USH2A: variants seen among roughly 807,000 people sequenced by gnomAD.
USH2A encodes the protein usherin.
Under a neutral mutation model 538.9 loss-of-function variants are expected in USH2A, and 443 were observed. The ratio of observed to expected loss-of-function variants is 0.82; its 90% CI spans 0.76 to 0.89. The LOEUF is 0.89. USH2A is among the 40% of genes least tolerant of loss of function. The pLI, the probability that USH2A is intolerant of heterozygous loss-of-function variation, is 0.00. For missense variants in USH2A, 6,633 were observed against 6,324.8 expected (o/e 1.05, Z -1.65); for synonymous variants, 2,413 against 2,273.5 (o/e 1.06, Z -1.75).
chr1:216,028,499 T>G (rs1334287850), intron 32 of USH2A, among the ~76,000 whole-genome samples: 1 of 152,106 alleles, frequency 6.6e-6, no homozygotes, highest in Non-Finnish European at 1.5e-5. Flanking sequence ...CAGGAAATAT[T>G]TATCTATTCT....
rs200863969 is a variant in USH2A at position 215,817,203 on chromosome 1, A to G, written c.9372-8T>C. 8.1e-6 allele frequency: 13 copies of G among 1,611,148 alleles called. No individual in the cohort carries two copies. Among genetic ancestry groups the G allele is most frequent in the African/African-American group, 4.0e-5 (3 of 74,800 alleles). On this transcript the variant is annotated splice_polypyrimidine_tract_variant and splice_region_variant and intron_variant, in intron 47 of 71. Transcript: ENST00000307340. ...CAATCAATTTGAAGAGATCTGCAAC[A>G]GAGAGAATAATCAATACTTCTGAAA...
At chr1:215,924,966 C>T (rs1488055361) in intron 38 of USH2A, among the ~76,000 whole-genome samples, 1 of 152,000 alleles carries the variant, frequency 6.6e-6, no homozygotes, top group African/African-American at 2.4e-5. Flanking sequence ...TCCCTCTTCT[C>T]CATAGCTCAG....
chr1:215,646,439 T>C (rs1300951598), intron 67 of USH2A, among the ~76,000 whole-genome samples: 2 of 151,488 alleles, frequency 1.3e-5, no homozygotes, highest in East Asian at 3.9e-4. Context: ...GTTATAGTCA[T>C]ATATCTCATA....
At chr1:216,155,780 AGAAT>A (rs1348078264) in intron 21 of USH2A, among the ~76,000 whole-genome samples, 1 of 152,202 alleles carries the variant, frequency 6.6e-6, no homozygotes, top group Non-Finnish European at 1.5e-5. Context: ...GACAATTGCA[AGAAT>A]GCAATAGATC....
intron 4 of USH2A, among the ~76,000 whole-genome samples, chr1:216,360,060 T>A (rs1309774637): frequency 2.0e-5 from 3 of 152,126 alleles, no homozygotes; most frequent in Non-Finnish European, 4.4e-5. Context: ...ATTGCGCTCT[T>A]TGGTATTTAT....
chr1:215,678,496 C>A (rs759448932), intron 62 of USH2A, among the ~76,000 whole-genome samples: 10 of 152,236 alleles, frequency 6.6e-5, no homozygotes, highest in Non-Finnish European at 1.2e-4. Flanking sequence ...ACATGACTAA[C>A]TCTGTCTTGT....
At chr1:215,961,451 A>C (rs1008354389) in intron 37 of USH2A, among the ~76,000 whole-genome samples, 2 of 151,734 alleles carry the variant, frequency 1.3e-5, no homozygotes, top group African/African-American at 4.8e-5. Flanking sequence ...TAAAGATATT[A>C]ATTCTACCTA....
At chr1:215,860,332 C>T (rs960769980) in intron 44 of USH2A, among the ~76,000 whole-genome samples, 4 of 152,156 alleles carry the variant, frequency 2.6e-5, no homozygotes, top group African/African-American at 9.7e-5. Context: ...AAGCTATGTT[C>T]CATGAGCTAA....
Position 215,664,158 on chromosome 1 carries a change from C to A in USH2A, c.14133+6814G>T, listed in dbSNP as rs181384681. The stretch of plus-strand genomic sequence containing the variant: ...CTTAGTTTACATTGGCTTTCTGTTA[C>A]TTGTAGTGAAATAGTCATGACAACT... On this transcript the variant is annotated intron_variant, in intron 64 of 71. Transcript: ENST00000307340. Among the ~76,000 whole-genome samples, 1,197 of 152,238 alleles carry A rather than the reference C, an allele frequency of 7.9e-3. 19 individuals carry two copies. The highest frequency in any genetic ancestry group is 0.028 in the African/African-American group (1,153 of 41,538).
intron 43 of USH2A, among the ~76,000 whole-genome samples, chr1:215,868,215 A>G (rs1369704178): frequency 6.6e-6 from 1 of 152,192 alleles, no homozygotes; most frequent in Non-Finnish European, 1.5e-5. Flanking sequence ...GTGGTGTGGC[A>G]TGGGTGGGTA....
chr1:215,958,350 G>C (rs980705929), intron 37 of USH2A, among the ~76,000 whole-genome samples: 5 of 152,118 alleles, frequency 3.3e-5, no homozygotes, highest in Non-Finnish European at 7.4e-5. Flanking sequence ...GCAATTCCAG[G>C]AGAAGGTAAG....
At chr1:215,851,112 A>G (rs972126842) in intron 44 of USH2A, among the ~76,000 whole-genome samples, 4 of 152,162 alleles carry the variant, frequency 2.6e-5, no homozygotes, top group Non-Finnish European at 5.9e-5. Context: ...CAAATAGACA[A>G]TCTAAGGTCA....
intron 55 of USH2A, among the ~76,000 whole-genome samples, chr1:215,770,871 G>A (rs868815312): frequency 5.3e-4 from 79 of 149,390 alleles, no homozygotes; most frequent in African/African-American, 1.8e-3. Flanking sequence ...TTGGGAGGAC[G>A]AGGCGGGTGG....
At position 215,776,232 on chromosome 1, in the gene USH2A, C is replaced by T. The variant is rs545895773; in HGVS notation, c.10939+3611G>A. The stretch of plus-strand genomic sequence containing the variant: ...AGCTGCCATGCGCTGTTTGCATTAG[C>T]GAATATGAGAAGATGATGGCTGCTA... On this transcript the variant is annotated intron_variant, in intron 55 of 71. Transcript: ENST00000307340. Among the ~76,000 whole-genome samples the T allele has an allele frequency of 2.4e-4, 37 of 152,184 alleles. 2 individuals carry two copies. Among genetic ancestry groups the T allele is most frequent in the African/African-American group, 7.2e-4 (30 of 41,514 alleles).
At chr1:216,347,599 A>T (rs969995743) in intron 4 of USH2A, among the ~76,000 whole-genome samples, 7 of 152,072 alleles carry the variant, frequency 4.6e-5, no homozygotes, top group African/African-American at 1.7e-4. Flanking sequence ...AAAATATGTT[A>T]TTGGTTTGTG....
intron 47 of USH2A, among the ~76,000 whole-genome samples, chr1:215,822,452 G>T (rs1023154207): frequency 2.0e-5 from 3 of 151,848 alleles, no homozygotes; most frequent in Non-Finnish European, 4.4e-5. Context: ...AACTGCTATT[G>T]ATTTCTGTAC....
intron 57 of USH2A, 127 bp downstream of exon 57, chr1:215,759,533 G>A: frequency 8.7e-7 from 1 of 1,145,540 alleles, no homozygotes; most frequent in South Asian, 1.4e-5. Context: ...ATCAGTTATT[G>A]AATGGCCAAT....
rs1407860955 is a variant in USH2A at position 215,639,211 on chromosome 1, G to A, written c.14996C>T (p.Thr4999Ile). The change falls in exon 69 of 72, where the codon ACT becomes ATT. Residue 4999 changes from threonine to isoleucine, a missense_variant. Transcript: ENST00000307340. ...KTFFFQVICTTDEGSVKTPLI... is the reference protein window; with the variant it reads ...KTFFFQVICTIDEGSVKTPLI... ...CGGCGTCTTAACACTTCCTTCGTCA[G>A]TCGTGCAGATGACCTGGAAAAAGAA... 1 of 1,614,026 alleles carries A rather than the reference G, an allele frequency of 6.2e-7. No homozygotes were observed. Among genetic ancestry groups the A allele is most frequent in the Non-Finnish European group, 8.5e-7 (1 of 1,180,034 alleles).
At chr1:216,391,397 A>T (rs978116800) in intron 3 of USH2A, among the ~76,000 whole-genome samples, 3 of 152,200 alleles carry the variant, frequency 2.0e-5, no homozygotes, top group Admixed American at 1.3e-4. Context: ...AGATGCCCCA[A>T]GATCTCATCA....
Sources: allele counts gnomAD v4.1 joint callset (sites outside exome capture counted in the v4.1 genomes callset), GRCh38; gene constraint gnomAD v4.1.1; transcripts MANE v1.5; gene names NCBI Gene and HGNC (gene_info 2026-07-23, HGNC 2026-07-21).